ZNF318: variants seen among roughly 807,000 people sequenced by gnomAD.
The protein encoded by ZNF318 is endocrine regulator.
A neutral mutation model predicts 124.2 loss-of-function variants in ZNF318; 51 were observed. The observed-to-expected ratio is 0.41, with a 90% CI of 0.33 to 0.52. ZNF318 has a LOEUF of 0.52. Among genes scored for constraint, ZNF318 ranks in the 20% least tolerant of loss-of-function variants. ZNF318 has a pLI of 0.23. For missense variants in ZNF318, 2,815 were observed against 2,811.2 expected, an observed-to-expected ratio of 1.00 and a Z score of -0.03; for synonymous variants, 1,090 against 1,040.7, an observed-to-expected ratio of 1.05 and a Z score of -0.91.
rs758692545 is a variant in ZNF318, at chr6:43,337,646, C to A, written c.6352G>T (p.Gly2118Trp). 6.8e-6 allele frequency: 11 copies of A among 1,614,132 alleles called. No individual in the cohort carries two copies. In the South Asian group the frequency reaches 1.1e-4, roughly 16 times the overall value. The change falls in exon 10 of 10, where the codon GGG becomes TGG. Residue 2118 changes from glycine (G) to tryptophan (W), a missense_variant. Coordinates refer to ENST00000361428, the MANE Select transcript of ZNF318 (RefSeq NM_014345.3). ...GLTENVDRGL[G>W]GLEGTHQALD... ...GCCTGGTGTGTTCCCTCTAGGCCCC[C>A]CAAGCCACGGTCAACATTTTCTGTA...
In ZNF318 at chr6:43,337,593, C is replaced by T. The variant is rs1779302311; in HGVS notation, c.6405G>A (p.Met2135Ile). The T allele has an allele frequency of 3.1e-6, 5 of 1,614,016 alleles. No homozygotes were observed. The highest frequency in any genetic ancestry group is 8.5e-7 in the Non-Finnish European group (1 of 1,180,020). The change falls in exon 10 of 10, where the codon ATG (methionine) becomes ATA (isoleucine). Residue 2135 changes from methionine to isoleucine, a missense_variant. Around this residue, in one of 4 missense-constraint regions of ZNF318, gnomAD observed 927 missense variants for 820.6 expected, o/e 1.13. Coordinates refer to ENST00000361428, the MANE Select transcript of ZNF318 (RefSeq NM_014345.3). Reference protein sequence around the residue: ...QALDLLAGGMMPEEVKESSQL... With the variant: ...QALDLLAGGMIPEEVKESSQL... ...GGGAAGATTCTTTTACTTCCTCAGG[C>T]ATCATTCCTCCTGCTAACAGGTCAA... is the stretch of plus-strand genomic sequence containing the variant.
At chr6:43,364,308 G>T in intron 2 of ZNF318, 37 of 200,942 alleles carry the variant, frequency 1.8e-4, no homozygotes, top group Middle Eastern at 2.3e-3. Flanking sequence ...TTTTATACAA[G>T]AAATATAAAG....
chr6:43,340,766 C>A (rs1779364801), intron 9 of ZNF318, 24 bp downstream of exon 9: 18 of 1,592,396 alleles, frequency 1.1e-5, no homozygotes, highest in Non-Finnish European at 1.5e-5. Context: ...GTTGGAAACT[C>A]CACAGCCTAC....
chr6:43,357,402 T>G lies in ZNF318; in HGVS notation c.912A>C (p.Arg304Ser), dbSNP rs1478426813. Reference protein sequence around the residue: ...SGTRNYRQRRRSPSPRFLDPE... With the variant: ...SGTRNYRQRRSSPSPRFLDPE... ...GGTCGAGAAACCTAGGACTTGGGCT[T>G]CTTCTACGCTGTCGATAGTTGCGAG... Residue 304 changes from arginine to serine, a missense_variant, in exon 3 of 10, where the codon AGA (arginine) becomes AGC (serine). Coordinates refer to ENST00000361428, the MANE Select transcript of ZNF318 (RefSeq NM_014345.3). 2.5e-6 allele frequency: 4 copies of G among 1,614,150 alleles called. No homozygotes were observed. The highest frequency in any genetic ancestry group is 1.7e-5 in the Admixed American group (1 of 60,026).
chr6:43,338,314 T>C lies in ZNF318; in HGVS notation c.5684A>G (p.His1895Arg), dbSNP rs1196972974. 6.2e-7 allele frequency: 1 copy of C among 1,614,206 alleles called. No individual in the cohort carries two copies. Among genetic ancestry groups the C allele is most frequent in the South Asian group, 1.1e-5 (1 of 91,082 alleles). The change falls in exon 10 of 10, where the codon CAT (histidine) becomes CGT (arginine). Residue 1895 changes from histidine (H) to arginine (R), a missense_variant. Transcript: ENST00000361428. Reference sequence around the variant, plus strand: ...ACACATAGCTGATCTGGCTGGGGAATGAAGCAGCAACTCTGGGGCAGAAAT... The same window carrying C: ...ACACATAGCTGATCTGGCTGGGGAACGAAGCAGCAACTCTGGGGCAGAAAT... Reference protein sequence around the residue: ...VKISAPELLLHSPARSAMCLT... With the variant: ...VKISAPELLLRSPARSAMCLT...
At chr6:43,363,266 C>A (rs965271920) in intron 2 of ZNF318, among the ~76,000 whole-genome samples, 1 of 152,196 alleles carries the variant, frequency 6.6e-6, no homozygotes, top group Non-Finnish European at 1.5e-5. Flanking sequence ...ACACTATGTA[C>A]CACCTACCCA....
rs1779605514 is a variant in ZNF318 at position 43,356,085 on chromosome 6, G to A, written c.1249C>T (p.Pro417Ser). ...ATAGCACCACTTAGTGGAAGGGATGGGTGCCCAGAGTAGAGAGGGTGATCC... is the reference window on the plus strand; with the variant it reads ...ATAGCACCACTTAGTGGAAGGGATGAGTGCCCAGAGTAGAGAGGGTGATCC... ...SQDHPLYSGH[P>S]SLPLSGAIAA... Residue 417 changes from proline (P) to serine (S), a missense_variant, in exon 4 of 10, where the codon CCA (proline) becomes TCA (serine). Physicochemically the swap from Pro to Ser is moderately conservative, Grantham distance 74. Around this residue, in one of 4 missense-constraint regions of ZNF318, gnomAD observed 1,377 missense variants for 1,353.5 expected, o/e 1.02. Coordinates refer to ENST00000361428, the MANE Select transcript of ZNF318 (RefSeq NM_014345.3). The A allele has an allele frequency of 6.2e-7, 1 of 1,614,150 alleles. No homozygotes were observed. The highest frequency in any genetic ancestry group is 1.3e-5 in the African/African-American group (1 of 75,026).
Position 43,340,889 on chromosome 6 carries a change from G to A in ZNF318, c.3396C>T (p.Pro1132=). 1 of 1,613,932 alleles carries A rather than the reference G, an allele frequency of 6.2e-7. No homozygotes were observed. Among genetic ancestry groups the A allele is most frequent in the Non-Finnish European group, 8.5e-7 (1 of 1,179,854 alleles). Residue 1132 remains proline (P), a synonymous_variant, in exon 9 of 10, where the codon CCC becomes CCT. Transcript: ENST00000361428. Reference sequence around the variant, plus strand: ...AGAGCTGGCAATAAAATCCACTGATGGGAACCAGAAACTCAGAGCCTGGAA... The same window carrying A: ...AGAGCTGGCAATAAAATCCACTGATAGGAACCAGAAACTCAGAGCCTGGAA... The part of the protein sequence containing the change: ...VPAKGSEFLV[P]ISGFYCQLCE...
At chr6:43,351,591 T>C (rs1356728562) in intron 5 of ZNF318, among the ~76,000 whole-genome samples, 2 of 151,878 alleles carry the variant, frequency 1.3e-5, no homozygotes, top group East Asian at 3.9e-4. Context: ...TGAAACCCCA[T>C]TGCTACTAAA....
chr6:43,364,775 T>TA (rs1247072254), intron 2 of ZNF318, among the ~76,000 whole-genome samples: 5 of 152,242 alleles, frequency 3.3e-5, no homozygotes, highest in African/African-American at 9.6e-5. Context: ...TAACTGAACT[T>TA]AAACATTTTT....
Position 43,337,943 on chromosome 6 carries a change from C to T in ZNF318, c.6055G>A (p.Asp2019Asn), listed in dbSNP as rs1198820903. 1 of 1,614,190 alleles carries T rather than the reference C, an allele frequency of 6.2e-7. No individual in the cohort carries two copies. The highest frequency in any genetic ancestry group is 1.7e-5 in the Admixed American group (1 of 60,024). The change falls in exon 10 of 10, where the codon GAT becomes AAT. Residue 2019 changes from aspartate to asparagine, a missense_variant. Transcript: ENST00000361428. ...EELTALGNLG[D>N]MPVDFCTTRV... ...GTAGTGCAGAAATCAACAGGCATAT[C>T]CCCCAGATTCCCCAGGGCAGTAAGC...
chr6:43,340,682 T>C (rs113406304), intron 9 of ZNF318, 108 bp downstream of exon 9: 5 of 1,521,140 alleles, frequency 3.3e-6, no homozygotes, highest in East Asian at 4.5e-5. Flanking sequence ...AGAGGTTATA[T>C]GGAATTTGAA....
intron 7 of ZNF318, 22 bp downstream of exon 7, chr6:43,342,651 AAAT>A: frequency 6.2e-7 from 1 of 1,612,170 alleles, no homozygotes; most frequent in Non-Finnish European, 8.5e-7. Context: ...GTGGGAGTGA[AAAT>A]AACAGAGAGT....
Position 43,340,430 on chromosome 6 carries a change from G to C in ZNF318, c.3568C>G (p.Leu1190Val). ...LDRQAGLAVVLETERRRQSEL... is the reference protein window; with the variant it reads ...LDRQAGLAVVVETERRRQSEL... ...CTCTGCCGTCGCCGTTCTGTCTCTA[G>C]GACCACAGCCAAGCCAGCTTGGCGG... is the stretch of plus-strand genomic sequence containing the variant. Residue 1190 changes from leucine (L) to valine (V), a missense_variant, in exon 10 of 10, where the codon CTA (leucine) becomes GTA (valine). Transcript: ENST00000361428. 6.2e-7 allele frequency: 1 copy of C among 1,613,952 alleles called. No individual in the cohort carries two copies. The highest frequency in any genetic ancestry group is 8.5e-7 in the Non-Finnish European group (1 of 1,180,028).
intron 2 of ZNF318, among the ~76,000 whole-genome samples, chr6:43,358,868 T>A (rs1779646032): frequency 6.6e-6 from 1 of 151,826 alleles, no homozygotes; most frequent in Admixed American, 6.5e-5. Flanking sequence ...GATAAATGGT[T>A]TTAAAGCTGT....
intron 7 of ZNF318, 65 bp from the exon 8 acceptor site, chr6:43,342,276 T>A: frequency 7.4e-7 from 1 of 1,344,118 alleles, no homozygotes; most frequent in Non-Finnish European, 1.0e-6. Context: ...ACTTTTCTCT[T>A]TTTTTTCCCC....
Position 43,354,951 on chromosome 6 carries a change from T to G in ZNF318, c.2383A>C (p.Met795Leu). The G allele has an allele frequency of 6.2e-7, 1 of 1,610,306 alleles. No individual in the cohort carries two copies. The highest frequency in any genetic ancestry group is 1.7e-4 in the Middle Eastern group (1 of 6,042). ...GGCCATCTGGAGGCTGCATATGCCA[T>G]GTAGTGCCTATAGGCATCAAAAGAG... ...PASFDAYRHYMAYAASRWPMY... is the reference protein window; with the variant it reads ...PASFDAYRHYLAYAASRWPMY... The change falls in exon 4 of 10, where the codon ATG becomes CTG. Residue 795 changes from methionine (M) to leucine (L), a missense_variant. By Grantham distance (15) the Met-to-Leu change is conservative. This residue lies in a region of ZNF318 where 1,377 missense variants were observed against 1,353.5 expected (regional missense o/e 1.02). Coordinates refer to ENST00000361428, the MANE Select transcript of ZNF318 (RefSeq NM_014345.3).
intron 3 of ZNF318, among the ~76,000 whole-genome samples, chr6:43,356,741 T>G (rs1779612849): frequency 6.6e-6 from 1 of 152,122 alleles, no homozygotes; most frequent in Admixed American, 6.5e-5. Context: ...TAGTCCAGTG[T>G]CCTACAACTC....
Position 43,338,380 on chromosome 6 carries a change from T to C in ZNF318, c.5618A>G (p.Glu1873Gly), listed in dbSNP as rs764453438. ...TTGTGGGTTGAGTAAAGACCTAGCTTCTGATAAAAATGAGTCTAATTTTGC... is the reference window on the plus strand; with the variant it reads ...TTGTGGGTTGAGTAAAGACCTAGCTCCTGATAAAAATGAGTCTAATTTTGC... ...TKAKLDSFLS[E>G]ARSLLNPQDT... Residue 1873 changes from glutamate to glycine, a missense_variant, in exon 10 of 10, where the codon GAA becomes GGA. Physicochemically the swap from Glu to Gly is moderately conservative, Grantham distance 98. Transcript: ENST00000361428. 6.2e-7 allele frequency: 1 copy of C among 1,614,202 alleles called. No homozygotes were observed. The highest frequency in any genetic ancestry group is 8.5e-7 in the Non-Finnish European group (1 of 1,180,036).
Sources: allele counts gnomAD v4.1 joint callset (sites outside exome capture counted in the v4.1 genomes callset), GRCh38; gene constraint gnomAD v4.1.1; regional missense constraint gnomAD v4.1.1; transcripts MANE v1.5; gene names NCBI Gene and HGNC (gene_info 2026-07-23, HGNC 2026-07-21).